The following WNT16 variants were observed in gnomAD, a reference collection of about 807,000 sequenced individuals.
WNT16 encodes protein Wnt-16.
WNT16 carries 20 observed loss-of-function variants against 35.4 expected under a neutral mutation model. The ratio of observed to expected loss-of-function variants is 0.56; its 90% confidence interval spans 0.40 to 0.82. The LOEUF (loss-of-function observed/expected upper bound fraction) is 0.82, where lower values mean the gene tolerates loss of function less well. Among genes scored for constraint, WNT16 ranks in the 40% least tolerant of loss-of-function variants. The pLI is 0.00. For missense variants in WNT16, 461 were observed against 466.0 expected (o/e 0.99, Z 0.10); for synonymous variants, 180 against 179.2 (o/e 1.00, Z -0.03).
chr7:121,335,869 C>A (rs536985334), intron 3 of WNT16, among the ~76,000 whole-genome samples: 3 of 152,082 alleles, frequency 2.0e-5, no homozygotes, highest in Non-Finnish European at 2.9e-5. Flanking sequence ...ATCATAAGTA[C>A]CTGCTTATTA....
At chr7:121,330,714 G>GAAAAAAAAAAA (rs11371537) in intron 2 of WNT16, among the ~76,000 whole-genome samples, 1 of 88,180 alleles carries the variant, frequency 1.1e-5, no homozygotes, top group African/African-American at 4.6e-5. Context: ...CCCGTAGAGA[G>GAAAAAAAAAAA]AAAAAAAAAA....
At chr7:121,327,610 A>G (rs1319162903), upstream of WNT16, among the ~76,000 whole-genome samples, 1 of 152,094 alleles carries the variant, frequency 6.6e-6, no homozygotes, top group Non-Finnish European at 1.5e-5. Context: ...TTGGCCTCCA[A>G]AAGTGCTGGG....
At position 121,329,771 on chromosome 7, in the gene WNT16, C is replaced by A. The variant is rs17143291; in HGVS notation, c.300C>A (p.Thr100=). ...WNCMITAAAT[T]APMGASPLFG... ...GCATGATCACCGCCGCCGCCACTAC[C>A]GCCCCGATGGGCGCCAGCCCCCTCT... Residue 100 remains threonine (T), a synonymous_variant, in exon 2 of 4, where the codon ACC becomes ACA. Transcript: ENST00000222462. The A allele has an allele frequency of 7.0e-3, 11,290 of 1,608,816 alleles. 110 individuals are homozygous for A. The highest frequency in any genetic ancestry group is 0.027 in the Middle Eastern group (159 of 5,862).
At chr7:121,334,310 G>A (rs1023456987) in intron 3 of WNT16, among the ~76,000 whole-genome samples, 1 of 151,888 alleles carries the variant, frequency 6.6e-6, no homozygotes, top group Non-Finnish European at 1.5e-5. Context: ...TAGGTACTAT[G>A]CTGGTGTTTT....
In WNT16 at chr7:121,329,629, A is replaced by G. The variant is rs1301945997; in HGVS notation, c.158A>G (p.Asn53Ser). 9 of 1,614,224 alleles carry G rather than the reference A, an allele frequency of 5.6e-6. No homozygotes were observed. The South Asian group carries it at 9.9e-5, about 18-fold the overall frequency. ...CTGGGCTGCGCCAATTTGCCGCTGA[A>G]CAGCCGCCAGAAGGAGCTGTGCAAG... ...EKLGCANLPL[N>S]SRQKELCKRK... The change falls in exon 2 of 4, where the codon AAC becomes AGC. Residue 53 changes from asparagine to serine, a missense_variant. By Grantham distance (46) the Asn-to-Ser change is conservative. Coordinates refer to ENST00000222462, the MANE Select transcript of WNT16 (RefSeq NM_057168.2).
At chr7:121,330,215 A>G (rs370343472) in intron 2 of WNT16, among the ~76,000 whole-genome samples, 1 of 151,932 alleles carries the variant, frequency 6.6e-6, no homozygotes, top group East Asian at 1.9e-4. Flanking sequence ...GATTTAACCA[A>G]CTCCGCTGCG....
intron 3 of WNT16, among the ~76,000 whole-genome samples, chr7:121,334,411 A>C (rs1463102305): frequency 6.6e-6 from 1 of 152,132 alleles, no homozygotes; most frequent in Non-Finnish European, 1.5e-5. Flanking sequence ...AAAAACAAAA[A>C]CAAAACCAAC....
intron 3 of WNT16, 62 bp from the exon 4 acceptor site, chr7:121,338,819 C>A: frequency 1.4e-6 from 2 of 1,386,366 alleles, no homozygotes; most frequent in Non-Finnish European, 9.9e-7. Flanking sequence ...ATTAACTGTG[C>A]TTCTGTTGTT....
rs1004010401 is a variant in WNT16 at position 121,331,662 on chromosome 7, T to C, written c.347-16T>C. 1.0e-5 allele frequency: 16 copies of C among 1,596,954 alleles called. No individual in the cohort carries two copies. The highest frequency in any genetic ancestry group is 8.6e-7 in the Non-Finnish European group (1 of 1,166,146). On this transcript the variant is annotated splice_polypyrimidine_tract_variant and intron_variant, in intron 2 of 3. Coordinates refer to ENST00000222462, the MANE Select transcript of WNT16 (RefSeq NM_057168.2). ...GTTGCCTGGTTCTCTAATTTAGCAATTTATATTTTTTCTAGGCACCAAAGA... is the reference window on the plus strand; with the variant it reads ...GTTGCCTGGTTCTCTAATTTAGCAACTTATATTTTTTCTAGGCACCAAAGA...
chr7:121,328,442 T>A (rs191299555), upstream of WNT16, among the ~76,000 whole-genome samples: 1 of 152,338 alleles, frequency 6.6e-6, no homozygotes, highest in East Asian at 1.9e-4. Context: ...ATCTTCTCTT[T>A]CGCTCAAAAT....
intron 3 of WNT16, among the ~76,000 whole-genome samples, chr7:121,336,838 T>C (rs1480855617): frequency 2.0e-5 from 3 of 152,136 alleles, no homozygotes; most frequent in African/African-American, 7.2e-5. Flanking sequence ...AAAAATCGGC[T>C]CCTCAGTCAT....
chr7:121,339,443 C>T lies in WNT16; in HGVS notation c.*98C>T. ...CTGTGCAGCGCTAGTAAAGTTGACT[C>T]TTGCAGTGGAATCCCTAGAACCTTG... On this transcript the variant is annotated 3_prime_UTR_variant, in exon 4 of 4. Transcript: ENST00000222462. 8.8e-7 allele frequency: 1 copy of T among 1,132,766 alleles called. No homozygotes were observed. Among genetic ancestry groups the T allele is most frequent in the Non-Finnish European group, 1.2e-6 (1 of 807,424 alleles). The allele number at this position is 1,132,766 out of a possible 1,614,324, so 70.2% of individuals were successfully genotyped here.
intron 3 of WNT16, among the ~76,000 whole-genome samples, chr7:121,333,024 CTAAA>C (rs923830366): frequency 1.2e-4 from 19 of 152,078 alleles, no homozygotes; most frequent in African/African-American, 4.6e-4. Context: ...CTAAAAAAGT[CTAAA>C]TCTTTTATAT....
upstream of WNT16, among the ~76,000 whole-genome samples, chr7:121,328,698 C>T (rs1027889153): frequency 1.3e-5 from 2 of 152,194 alleles, no homozygotes; most frequent in Non-Finnish European, 2.9e-5. Context: ...ATCAAACCCA[C>T]GCTTTCCCCC....
Position 121,329,200 on chromosome 7 carries a change from T to C in WNT16, c.-93T>C, listed in dbSNP as rs1391808918. On this transcript the variant is annotated 5_prime_UTR_variant, in exon 1 of 4. Transcript: ENST00000222462. ...AAGGAGGAAGAGGGCGAGGGATAACTTGGTGCTGGACAACTGACCTGCGGC... is the reference window on the plus strand; with the variant it reads ...AAGGAGGAAGAGGGCGAGGGATAACCTGGTGCTGGACAACTGACCTGCGGC... 6.9e-6 allele frequency: 10 copies of C among 1,444,298 alleles called. No individual in the cohort carries two copies. Among genetic ancestry groups the C allele is most frequent in the Non-Finnish European group, 9.1e-6 (10 of 1,101,760 alleles). The allele number at this position is 1,444,298 out of a possible 1,614,324, so 89.5% of individuals were successfully genotyped here.
intron 3 of WNT16, among the ~76,000 whole-genome samples, chr7:121,332,223 TTAGAA>T (rs1313941068): frequency 3.7e-5 from 5 of 136,722 alleles, no homozygotes; most frequent in African/African-American, 1.2e-4. Flanking sequence ...GAGGCTTTGA[TTAGAA>T]TAAATATACG....
chr7:121,332,035 T>C, intron 3 of WNT16, 71 bp downstream of exon 3: 1 of 1,551,450 alleles, frequency 6.4e-7, no homozygotes, highest in South Asian at 1.2e-5. Flanking sequence ...CACATCTGCA[T>C]GAAACTGTCC....
In WNT16 at chr7:121,339,827, T is replaced by C. The variant is rs1793504781; in HGVS notation, c.*482T>C. On this transcript the variant is annotated 3_prime_UTR_variant, in exon 4 of 4. Coordinates refer to ENST00000222462, the MANE Select transcript of WNT16 (RefSeq NM_057168.2). The stretch of plus-strand genomic sequence containing the variant: ...TCTCTCAGTATTTTAACTGAAGAAA[T>C]TATACTGTTTGTGTGTGGATAGAAG... 1 of 195,622 alleles carries C rather than the reference T, an allele frequency of 5.1e-6. No individual in the cohort carries two copies. Among genetic ancestry groups the C allele is most frequent in the South Asian group, 1.8e-4 (1 of 5,598 alleles). The allele number at this position is 195,622 out of a possible 1,614,324, so 12.1% of individuals were successfully genotyped here.
intron 3 of WNT16, among the ~76,000 whole-genome samples, chr7:121,332,178 T>C (rs1032495119): frequency 6.6e-6 from 1 of 152,198 alleles, no homozygotes; most frequent in Non-Finnish European, 1.5e-5. Flanking sequence ...TGGTAAGCAA[T>C]TGAAAAATTC....
Sources: allele counts gnomAD v4.1 joint callset (sites outside exome capture counted in the v4.1 genomes callset), GRCh38; gene constraint gnomAD v4.1.1; transcripts MANE v1.5; gene names NCBI Gene and HGNC (gene_info 2026-07-23, HGNC 2026-07-21).